The following ANKFN1 variants were observed in gnomAD, a reference collection of about 807,000 sequenced individuals.
ANKFN1 encodes the protein ankyrin repeat and fibronectin type III domain containing 1, also known as ankyrin repeat and fibronectin type-III domain-containing protein 1.
Under a neutral mutation model 108.7 loss-of-function variants are expected in ANKFN1, and 74 were observed. That is an observed-to-expected ratio of 0.68 (90% CI 0.56 to 0.83). The LOEUF (loss-of-function observed/expected upper bound fraction) is 0.83, where lower values mean the gene tolerates loss of function less well. ANKFN1 is among the 40% of genes least tolerant of loss of function. The pLI, the probability that ANKFN1 is intolerant of heterozygous loss-of-function variation, is 0.00. For synonymous variants in ANKFN1, 547 were observed against 516.2 expected, an observed-to-expected ratio of 1.06 and a Z score of -0.81; for missense variants, 1,505 against 1,382.3, an observed-to-expected ratio of 1.09 and a Z score of -1.41.
At chr17:56,428,830 A>G (rs892157818) in intron 8 of ANKFN1, among the ~76,000 whole-genome samples, 2 of 150,448 alleles carry the variant, frequency 1.3e-5, no homozygotes, top group Non-Finnish European at 1.5e-5. Flanking sequence ...TGCTGCACAC[A>G]TTATGGTTTC....
chr17:56,169,686 G>A (rs1395034299), intron 1 of ANKFN1, among the ~76,000 whole-genome samples: 2 of 152,128 alleles, frequency 1.3e-5, no homozygotes, highest in African/African-American at 2.4e-5. Flanking sequence ...TGATCAGAGT[G>A]GCAGAACAGG....
intron 4 of ANKFN1, among the ~76,000 whole-genome samples, chr17:56,137,051 G>A (rs959187049): frequency 6.6e-6 from 1 of 152,146 alleles, no homozygotes; most frequent in African/African-American, 2.4e-5. Context: ...ATTGGGTGGT[G>A]GAAATGCACA....
At chr17:56,149,822 C>T (rs1208529061), upstream of ANKFN1, among the ~76,000 whole-genome samples, 1 of 152,252 alleles carries the variant, frequency 6.6e-6, no homozygotes, top group Non-Finnish European at 1.5e-5. Flanking sequence ...CTCCCTACCC[C>T]TCCACAAGCC....
intron 3 of ANKFN1, among the ~76,000 whole-genome samples, chr17:56,302,517 CAAAA>C (rs774091391): frequency 2.1e-5 from 2 of 96,432 alleles, no homozygotes; most frequent in Non-Finnish European, 4.2e-5. Flanking sequence ...CTAGCCTCTA[CAAAA>C]AAAAAAAAAA....
chr17:56,087,521 C>T (rs1482575576), intron 4 of ANKFN1, among the ~76,000 whole-genome samples: 1 of 150,630 alleles, frequency 6.6e-6, no homozygotes, highest in Non-Finnish European at 1.5e-5. Context: ...TAGCTCAACG[C>T]CAGTGGACTC....
intron 8 of ANKFN1, among the ~76,000 whole-genome samples, chr17:56,426,700 C>G (rs199807054): frequency 7.9e-5 from 12 of 152,168 alleles, no homozygotes; most frequent in African/African-American, 2.9e-4. Context: ...GATGTTTAAC[C>G]TTTCACAGGG....
At chr17:56,455,970 CCAACATA>C (rs1265280043) in intron 11 of ANKFN1, among the ~76,000 whole-genome samples, 1 of 152,118 alleles carries the variant, frequency 6.6e-6, no homozygotes, top group Non-Finnish European at 1.5e-5. Flanking sequence ...TTTTTGTAAA[CCAACATA>C]CACAATGAAG....
intron 4 of ANKFN1, among the ~76,000 whole-genome samples, chr17:56,066,666 G>A (rs533372305): frequency 2.5e-4 from 38 of 152,076 alleles, no homozygotes; most frequent in African/African-American, 8.4e-4. Flanking sequence ...TACATTCACC[G>A]ATTGCTGTGC....
chr17:56,128,533 C>T (rs911151406), intron 4 of ANKFN1, among the ~76,000 whole-genome samples: 7 of 152,142 alleles, frequency 4.6e-5, no homozygotes, highest in African/African-American at 1.4e-4. Context: ...TTTAGCCCTG[C>T]AAGGCCTTCA....
intron 3 of ANKFN1, among the ~76,000 whole-genome samples, chr17:56,238,236 G>A (rs2143977403): frequency 6.6e-6 from 1 of 152,198 alleles, no homozygotes; most frequent in East Asian, 1.9e-4. Flanking sequence ...GTAATGAGGA[G>A]AATGTATATT....
intron 3 of ANKFN1, among the ~76,000 whole-genome samples, chr17:56,246,753 C>T (rs185577543): frequency 1.9e-3 from 285 of 151,800 alleles, no homozygotes; most frequent in Non-Finnish European, 3.7e-3. Flanking sequence ...AAAACGCAGG[C>T]CATTTCCTTT....
At chr17:56,447,226 AAAAAAGAAAAAG>A (rs888835240) in intron 10 of ANKFN1, among the ~76,000 whole-genome samples, 1 of 152,232 alleles carries the variant, frequency 6.6e-6, no homozygotes, top group African/African-American at 2.4e-5. Flanking sequence ...CTTTCTCAGA[AAAAAAGAAAAAG>A]AAAAAGAAAA....
chr17:56,470,640 T>C (rs1359331684), intron 15 of ANKFN1, among the ~76,000 whole-genome samples: 3 of 152,140 alleles, frequency 2.0e-5, no homozygotes, highest in East Asian at 1.9e-4. Flanking sequence ...AAAGTTATGA[T>C]CCACGACGGG....
intron 8 of ANKFN1, among the ~76,000 whole-genome samples, chr17:56,387,075 T>G (rs910453391): frequency 5.9e-5 from 9 of 152,108 alleles, no homozygotes; most frequent in Non-Finnish European, 1.2e-4. Flanking sequence ...GTTGAACATT[T>G]GACTATTTTG....
At chr17:56,202,938 T>C (rs896125022) in intron 1 of ANKFN1, among the ~76,000 whole-genome samples, 1 of 152,240 alleles carries the variant, frequency 6.6e-6, no homozygotes, top group Non-Finnish European at 1.5e-5. Flanking sequence ...TGAGAAATGT[T>C]AGCTAAAATA....
intron 8 of ANKFN1, among the ~76,000 whole-genome samples, chr17:56,406,302 A>T (rs1454532266): frequency 6.6e-6 from 1 of 152,160 alleles, no homozygotes. Flanking sequence ...TTCCCCCTAT[A>T]TTGACAAACA....
chr17:56,226,971 G>A (rs1916324547), intron 2 of ANKFN1, among the ~76,000 whole-genome samples: 1 of 152,050 alleles, frequency 6.6e-6, no homozygotes, highest in African/African-American at 2.4e-5. Flanking sequence ...TTAAGAAATG[G>A]TAGAGCTTGG....
chr17:56,183,666 C>T (rs1598195470), intron 1 of ANKFN1, among the ~76,000 whole-genome samples: 1 of 152,140 alleles, frequency 6.6e-6, no homozygotes, highest in African/African-American at 2.4e-5. Flanking sequence ...CAAGCAGATG[C>T]TGGTGCCATG....
At chr17:56,371,564 AG>A (rs2144764733) in intron 6 of ANKFN1, among the ~76,000 whole-genome samples, 1 of 152,346 alleles carries the variant, frequency 6.6e-6, no homozygotes, top group South Asian at 2.1e-4. Flanking sequence ...TTTTGGTCAC[AG>A]GGAGTGTCAA....
Sources: allele counts gnomAD v4.1 joint callset (sites outside exome capture counted in the v4.1 genomes callset), GRCh38; gene constraint gnomAD v4.1.1; transcripts MANE v1.5; gene names NCBI Gene and HGNC (gene_info 2026-07-23, HGNC 2026-07-21).